Variants in ZFYVE9 observed in about 807,000 individuals in gnomAD.
The protein encoded by ZFYVE9 is zinc finger FYVE-type containing 9.
Under a neutral mutation model 126.7 loss-of-function variants are expected in ZFYVE9, and 43 were observed. The observed-to-expected ratio is 0.34, with a 90% CI of 0.27 to 0.44. The LOEUF is 0.44. Among genes scored for constraint, ZFYVE9 ranks in the 20% least tolerant of loss-of-function variants. The pLI is 1.00. For missense variants in ZFYVE9, 1,476 were observed against 1,697.0 expected, an observed-to-expected ratio of 0.87 and a Z score of 2.29; for synonymous variants, 521 against 597.4, an observed-to-expected ratio of 0.87 and a Z score of 1.87.
At chr1:52,216,230 G>A in intron 1 of ZFYVE9, 139 bp from the exon 2 acceptor site, 1 of 395,322 alleles carries the variant, frequency 2.5e-6, no homozygotes, top group South Asian at 1.4e-4. Flanking sequence ...TGCAAGCCAG[G>A]TCTTTGAATC....
chr1:52,318,601 A>G (rs1414401159), intron 13 of ZFYVE9, among the ~76,000 whole-genome samples: 1 of 152,104 alleles, frequency 6.6e-6, no homozygotes, highest in African/African-American at 2.4e-5. Flanking sequence ...GGGAAAAAAA[A>G]TAAGAGTCAT....
intron 8 of ZFYVE9, 93 bp from the exon 9 acceptor site, chr1:52,278,399 C>G (rs1057049961): frequency 2.6e-6 from 4 of 1,520,520 alleles, no homozygotes; most frequent in Non-Finnish European, 2.7e-6. Flanking sequence ...ATGCATGTCT[C>G]TTTTCTGTGA....
chr1:52,342,023 A>C (rs1204507634), intron 17 of ZFYVE9, among the ~76,000 whole-genome samples: 2 of 152,154 alleles, frequency 1.3e-5, no homozygotes, highest in African/African-American at 4.8e-5. Context: ...GACAGGCTCA[A>C]ACAGGTCATG....
intron 9 of ZFYVE9, among the ~76,000 whole-genome samples, chr1:52,281,412 C>T (rs1645803806): frequency 6.6e-6 from 1 of 152,112 alleles, no homozygotes; most frequent in South Asian, 2.1e-4. Flanking sequence ...GGATTACAGG[C>T]GTGAGCCACC....
chr1:52,263,951 G>C, intron 5 of ZFYVE9, 79 bp downstream of exon 5: 1 of 871,800 alleles, frequency 1.1e-6, no homozygotes, highest in Non-Finnish European at 1.7e-6. Context: ...TTTTCCCCCT[G>C]CCTTTCTTTA....
At chr1:52,192,055 A>G (rs1168123785) in intron 1 of ZFYVE9, among the ~76,000 whole-genome samples, 15 of 150,998 alleles carry the variant, frequency 9.9e-5, no homozygotes, top group African/African-American at 3.6e-4. Flanking sequence ...TAGAACAAGC[A>G]CCTGAAACAC....
At chr1:52,169,098 A>G (rs1180955597) in intron 1 of ZFYVE9, among the ~76,000 whole-genome samples, 1 of 152,002 alleles carries the variant, frequency 6.6e-6, no homozygotes, top group African/African-American at 2.4e-5. Context: ...CTGGCTGCCT[A>G]ATTTAAAATT....
rs773264140 is a variant in ZFYVE9, at chr1:52,238,686, A to C, written c.1269A>C (p.Leu423=). The change falls in exon 4 of 19, where the codon CTA becomes CTC. Residue 423 remains leucine, a synonymous_variant. Coordinates refer to ENST00000287727, the MANE Select transcript of ZFYVE9 (RefSeq NM_004799.4). ...TAAACGAAGAAAAGGAAAAGTTTCT[A>C]CAGATTAGTCAGCCTGAGGACACTA... is the stretch of plus-strand genomic sequence containing the variant. ...SQVNEEKEKF[L]QISQPEDTNG... 6.2e-7 allele frequency: 1 copy of C among 1,614,152 alleles called. No individual in the cohort carries two copies. Among genetic ancestry groups the C allele is most frequent in the Non-Finnish European group, 8.5e-7 (1 of 1,179,980 alleles).
chr1:52,240,897 G>T (rs534342945), intron 4 of ZFYVE9, among the ~76,000 whole-genome samples: 2 of 152,250 alleles, frequency 1.3e-5, no homozygotes, highest in South Asian at 4.1e-4. Flanking sequence ...ATCTCCTGGG[G>T]CTGAGCACAG....
chr1:52,306,863 G>T (rs1646089725), intron 13 of ZFYVE9, among the ~76,000 whole-genome samples: 1 of 152,234 alleles, frequency 6.6e-6, no homozygotes, highest in African/African-American at 2.4e-5. Flanking sequence ...CAGCATGCCT[G>T]ACTGTGTGCA....
chr1:52,233,182 T>C lies in ZFYVE9; in HGVS notation c.-25T>C. 1 of 1,510,542 alleles carries C rather than the reference T, an allele frequency of 6.6e-7. No individual in the cohort carries two copies. The highest frequency in any genetic ancestry group is 1.4e-5 in the South Asian group (1 of 70,910). The allele number at this position is 1,510,542 out of a possible 1,614,324, so 93.6% of individuals were successfully genotyped here. Reference sequence around the variant, plus strand: ...CATTTACTTTTTAGGTTTAAACAAGTCTCTTAAGTGGTGTTTCCTCACCGA... The same window carrying C: ...CATTTACTTTTTAGGTTTAAACAAGCCTCTTAAGTGGTGTTTCCTCACCGA... On this transcript the variant is annotated 5_prime_UTR_variant, in exon 3 of 19. Coordinates refer to ENST00000287727, the MANE Select transcript of ZFYVE9 (RefSeq NM_004799.4).
chr1:52,181,773 C>T (rs561094236), intron 1 of ZFYVE9, among the ~76,000 whole-genome samples: 46 of 151,838 alleles, frequency 3.0e-4, no homozygotes, highest in African/African-American at 1.1e-3. Context: ...TGCCTGGCTG[C>T]GACCCCGTCT....
chr1:52,177,588 T>C (rs1644648111), intron 1 of ZFYVE9, among the ~76,000 whole-genome samples: 1 of 152,136 alleles, frequency 6.6e-6, no homozygotes, highest in Admixed American at 6.5e-5. Context: ...AAAGGACTAG[T>C]TGGGAAGGCA....
chr1:52,243,763 T>TA (rs879647592), intron 4 of ZFYVE9, among the ~76,000 whole-genome samples: 1,981 of 139,962 alleles, frequency 0.014, 36 homozygotes, highest in African/African-American at 0.047. Context: ...CCATCTCCAC[T>TA]AAAAAAAAAA....
chr1:52,263,725 G>T, intron 4 of ZFYVE9, 48 bp from the exon 5 acceptor site: 1 of 1,057,352 alleles, frequency 9.5e-7, no homozygotes, highest in Non-Finnish European at 1.4e-6. Context: ...TCTTTGCATG[G>T]CAATCCCAAG....
At chr1:52,247,480 A>G (rs915603453) in intron 4 of ZFYVE9, among the ~76,000 whole-genome samples, 2 of 152,148 alleles carry the variant, frequency 1.3e-5, no homozygotes, top group Non-Finnish European at 2.9e-5. Context: ...TTGTACAACC[A>G]TAACAACTAT....
Position 52,237,517 on chromosome 1 carries a change from A to G in ZFYVE9, c.100A>G (p.Thr34Ala). 1 of 1,612,946 alleles carries G rather than the reference A, an allele frequency of 6.2e-7. No homozygotes were observed. Among genetic ancestry groups the G allele is most frequent in the Non-Finnish European group, 8.5e-7 (1 of 1,179,236 alleles). Residue 34 changes from threonine to alanine, a missense_variant, in exon 4 of 19, where the codon ACA (threonine) becomes GCA (alanine). Physicochemically the swap from Thr to Ala is moderately conservative, Grantham distance 58 (BLOSUM62 0). Coordinates refer to ENST00000287727, the MANE Select transcript of ZFYVE9 (RefSeq NM_004799.4). The part of the protein sequence containing the change: ...DETVSSTLLD[T>A]KWNKILDPPS... ...AACAGTTTCTTCTACTTTATTGGAT[A>G]CAAAGTGGAATAAGATTCTAGATCC... is the stretch of plus-strand genomic sequence containing the variant.
At chr1:52,218,098 A>G (rs549368642) in intron 2 of ZFYVE9, among the ~76,000 whole-genome samples, 2 of 152,106 alleles carry the variant, frequency 1.3e-5, no homozygotes, top group Non-Finnish European at 2.9e-5. Context: ...CAGGACCCTG[A>G]TGCTGTCTAT....
At chr1:52,308,070 G>A (rs1646102655) in intron 13 of ZFYVE9, among the ~76,000 whole-genome samples, 1 of 152,032 alleles carries the variant, frequency 6.6e-6, no homozygotes, top group African/African-American at 2.4e-5. Flanking sequence ...TTTTCCTTCT[G>A]ATTTAATTTT....
Sources: gnomAD v4.1 joint callset for allele counts (sites outside exome capture counted in the v4.1 genomes callset) on GRCh38, gnomAD v4.1.1 for gene constraint, MANE v1.5 for transcripts, NCBI Gene and HGNC (gene_info 2026-07-23, HGNC 2026-07-21) for gene names.